SLC25A48: variants seen among roughly 807,000 people sequenced by gnomAD.
The protein encoded by SLC25A48 is solute carrier family 25 member 48.
In SLC25A48, 29 loss-of-function variants were observed where a neutral mutation model predicts 32.2. The observed-to-expected ratio is 0.90, with a 90% CI of 0.67 to 1.23. SLC25A48 has a LOEUF of 1.23. Among genes scored for constraint, SLC25A48 ranks in the 50% most tolerant of loss-of-function variants. SLC25A48 has a pLI of 0.00. For synonymous variants in SLC25A48, 164 were observed against 172.3 expected (o/e 0.95, Z 0.38); for missense variants, 399 against 422.7 (o/e 0.94, Z 0.49).
At chr5:135,652,566 G>C (rs988708619) in intron 3 of SLC25A48, 4 of 389,704 alleles carry the variant, frequency 1.0e-5, no homozygotes, top group East Asian at 7.4e-5. Context: ...GAAAGGTGCA[G>C]TCACTTACAG....
At chr5:135,620,157 C>A (rs898125823) in intron 1 of SLC25A48, among the ~76,000 whole-genome samples, 1 of 152,102 alleles carries the variant, frequency 6.6e-6, no homozygotes, top group African/African-American at 2.4e-5. Flanking sequence ...ACAGGTAGGT[C>A]CCCAGAGCCA....
chr5:135,770,009 G>A (rs895191326), intron 3 of SLC25A48, among the ~76,000 whole-genome samples: 1 of 151,556 alleles, frequency 6.6e-6, no homozygotes, highest in Non-Finnish European at 1.5e-5. Context: ...GTAATGTCTA[G>A]GTGGGGAAAG....
intron 4 of SLC25A48, chr5:135,826,505 A>C (rs1758058944): frequency 6.6e-6 from 1 of 152,314 alleles, no homozygotes; most frequent in Non-Finnish European, 1.5e-5. Flanking sequence ...GAGCCACCTG[A>C]ACAACTGAAG....
chr5:135,859,838 G>A (rs1048955887), intron 4 of SLC25A48, among the ~76,000 whole-genome samples: 2 of 152,112 alleles, frequency 1.3e-5, no homozygotes, highest in African/African-American at 2.4e-5. Flanking sequence ...ACCTCAAAGG[G>A]CAAATCTTAG....
intron 3 of SLC25A48, among the ~76,000 whole-genome samples, chr5:135,690,846 A>G (rs949080538): frequency 1.3e-5 from 2 of 152,200 alleles, no homozygotes; most frequent in African/African-American, 4.8e-5. Context: ...AGAGGCCCCA[A>G]CAGAAAGGGT....
chr5:135,669,060 G>C (rs576742765), intron 3 of SLC25A48, among the ~76,000 whole-genome samples: 1 of 152,290 alleles, frequency 6.6e-6, no homozygotes, highest in South Asian at 2.1e-4. Context: ...GCTAGGCACA[G>C]TGCTAAGTTT....
At chr5:135,750,784 G>A (rs141002444) in intron 3 of SLC25A48, among the ~76,000 whole-genome samples, 5 of 152,238 alleles carry the variant, frequency 3.3e-5, no homozygotes, top group East Asian at 3.9e-4. Context: ...GCCCTCCTAC[G>A]TGTGGGGAGG....
intron 3 of SLC25A48, among the ~76,000 whole-genome samples, chr5:135,789,648 G>A (rs574326787): frequency 1.3e-5 from 2 of 150,662 alleles, no homozygotes; most frequent in South Asian, 2.1e-4. Context: ...AGCCTTTTGC[G>A]ATATGGTTTG....
At chr5:135,865,496 A>G (rs918856436) in intron 4 of SLC25A48, among the ~76,000 whole-genome samples, 1 of 152,184 alleles carries the variant, frequency 6.6e-6, no homozygotes, top group Non-Finnish European at 1.5e-5. Context: ...AATTTCCTTT[A>G]ATATCTAAAG....
At chr5:135,848,121 C>T (rs1236648902) in intron 2 of SLC25A48, among the ~76,000 whole-genome samples, 1 of 152,206 alleles carries the variant, frequency 6.6e-6, no homozygotes, top group Non-Finnish European at 1.5e-5. Context: ...CCCGAGTGCT[C>T]AGCATGCCTG....
chr5:135,767,629 G>A (rs939729266), intron 3 of SLC25A48, among the ~76,000 whole-genome samples: 1 of 150,268 alleles, frequency 6.7e-6, no homozygotes, highest in Non-Finnish European at 1.5e-5. Context: ...GTGTACACCC[G>A]CCAGTAATAT....
intron 1 of SLC25A48, among the ~76,000 whole-genome samples, chr5:135,837,586 C>A (rs1758642369): frequency 6.6e-6 from 1 of 152,108 alleles, no homozygotes. Flanking sequence ...TGGGAGGGAC[C>A]CCTGTGGGAG....
chr5:135,694,252 C>T lies in SLC25A48; in HGVS notation c.-521+59296C>T, dbSNP rs530950876. On this transcript the variant is annotated intron_variant, in intron 3 of 10. Coordinates refer to the SLC25A48 transcript ENST00000646290. The stretch of plus-strand genomic sequence containing the variant: ...GCTGTATTAACTATTTTTATTGAAC[C>T]GCTGAGTACACAGATGTGTCCCGCC... Among the ~76,000 whole-genome samples, 9 of 152,282 alleles carry T rather than the reference C, an allele frequency of 5.9e-5. No homozygotes were observed. In the East Asian group the frequency reaches 1.4e-3, roughly 23 times the overall value.
chr5:135,739,460 C>T (rs1229740919), intron 3 of SLC25A48, among the ~76,000 whole-genome samples: 3 of 152,144 alleles, frequency 2.0e-5, no homozygotes, highest in Admixed American at 6.5e-5. Context: ...GCCTGTGATT[C>T]GTCAGGGGTG....
chr5:135,805,863 C>A (rs1488043026), intron 3 of SLC25A48, among the ~76,000 whole-genome samples: 1 of 151,492 alleles, frequency 6.6e-6, no homozygotes, highest in Admixed American at 6.6e-5. Flanking sequence ...TGGGTGTATA[C>A]CCTGTGTGTA....
At chr5:135,750,671 C>G (rs1446572318) in intron 3 of SLC25A48, among the ~76,000 whole-genome samples, 5 of 152,126 alleles carry the variant, frequency 3.3e-5, no homozygotes, top group African/African-American at 1.2e-4. Flanking sequence ...TGTATCCAAT[C>G]GGACATCAGG....
chr5:135,643,746 C>T (rs534362702), intron 3 of SLC25A48, among the ~76,000 whole-genome samples: 2 of 152,292 alleles, frequency 1.3e-5, no homozygotes, highest in South Asian at 2.1e-4. Context: ...GCAGCGACCC[C>T]GTTAACTCGC....
At position 135,684,396 on chromosome 5, in the gene SLC25A48, G is replaced by A. The variant is rs936140051; in HGVS notation, c.-521+49440G>A. Among the ~76,000 whole-genome samples, 19 of 152,230 alleles carry A rather than the reference G, an allele frequency of 1.2e-4. No individual in the cohort carries two copies. In the Middle Eastern group the frequency reaches 0.01, roughly 82 times the overall value. On this transcript the variant is annotated intron_variant, in intron 3 of 10. Coordinates refer to the SLC25A48 transcript ENST00000646290. ...ATTTGCAGGACAGGAATTTTCCTGGGGAGTGCCTTTGGGATCAACATCTGC... is the reference window on the plus strand; with the variant it reads ...ATTTGCAGGACAGGAATTTTCCTGGAGAGTGCCTTTGGGATCAACATCTGC...
At chr5:135,808,667 G>C (rs1361935278) in intron 3 of SLC25A48, among the ~76,000 whole-genome samples, 1 of 152,130 alleles carries the variant, frequency 6.6e-6, no homozygotes, top group East Asian at 1.9e-4. Flanking sequence ...TGTCCTGTAA[G>C]ATGTCGGTGT....
Sources: gnomAD v4.1 joint callset for allele counts (sites outside exome capture counted in the v4.1 genomes callset) on GRCh38, gnomAD v4.1.1 for gene constraint, MANE v1.5 for transcripts, NCBI Gene and HGNC (gene_info 2026-07-23, HGNC 2026-07-21) for gene names.